Variants in G2E3 observed in about 807,000 individuals in gnomAD.
G2E3 encodes the protein G2/M phase-specific E3 ubiquitin-protein ligase.
Under a neutral mutation model 92.8 loss-of-function variants are expected in G2E3, and 35 were observed. That is an observed-to-expected ratio of 0.38 (90% CI 0.29 to 0.50). G2E3 has a LOEUF of 0.50. Among genes scored for constraint, G2E3 ranks in the 20% least tolerant of loss-of-function variants. The pLI, the probability that G2E3 is intolerant of heterozygous loss-of-function variation, is 0.94. For synonymous variants in G2E3, 242 were observed against 272.4 expected, an observed-to-expected ratio of 0.89 and a Z score of 1.10; for missense variants, 554 against 823.8, an observed-to-expected ratio of 0.67 and a Z score of 4.01.
intron 1 of G2E3, chr14:30,573,447 CTGTG>C (rs1879894519): frequency 1.5e-5 from 2 of 133,970 alleles, no homozygotes; most frequent in Admixed American, 7.7e-5. Flanking sequence ...GTGTGTGTCT[CTGTG>C]TGTGTAGAGA....
At chr14:30,579,144 T>G (rs1041342752) in intron 1 of G2E3, among the ~76,000 whole-genome samples, 7 of 152,170 alleles carry the variant, frequency 4.6e-5, no homozygotes, top group Middle Eastern at 3.4e-3. Context: ...GAATTACTAG[T>G]GCCTCTAAAA....
chr14:30,572,673 T>C lies in G2E3; in HGVS notation c.-4-8403T>C, dbSNP rs568950086. ...GTGTATTACTTTACTTTTCAGATGA[T>C]ATCTAATCTTATATTTCTAAGATAA... On this transcript the variant is annotated intron_variant, in intron 1 of 14. Coordinates refer to ENST00000206595, the MANE Select transcript of G2E3 (RefSeq NM_017769.5). Among the ~76,000 whole-genome samples, 3 of 152,288 alleles carry C rather than the reference T, an allele frequency of 2.0e-5. No individual in the cohort carries two copies. In the South Asian group the frequency reaches 6.2e-4, roughly 32 times the overall value.
At chr14:30,608,947 A>G (rs971392517) in intron 12 of G2E3, among the ~76,000 whole-genome samples, 1 of 152,140 alleles carries the variant, frequency 6.6e-6, no homozygotes, top group Non-Finnish European at 1.5e-5. Context: ...ACACCACTGC[A>G]CTCCAACCTG....
chr14:30,593,692 C>A, intron 6 of G2E3, 53 bp downstream of exon 6: 1 of 1,277,704 alleles, frequency 7.8e-7, no homozygotes, highest in Non-Finnish European at 1.1e-6. Flanking sequence ...TTATGGCTTG[C>A]TGATTTAAAT....
chr14:30,561,156 CTG>C (rs1879075866), intron 1 of G2E3, among the ~76,000 whole-genome samples: 1 of 152,188 alleles, frequency 6.6e-6, no homozygotes, highest in Non-Finnish European at 1.5e-5. Context: ...AGTTACTAAA[CTG>C]TAAAAACCGC....
intron 8 of G2E3, among the ~76,000 whole-genome samples, chr14:30,599,093 T>C (rs1322084387): frequency 3.9e-5 from 6 of 152,252 alleles, no homozygotes; most frequent in Non-Finnish European, 8.8e-5. Context: ...GGCTGTGTTC[T>C]AGCTATGTCC....
chr14:30,581,644 G>A (rs913772525), intron 2 of G2E3, among the ~76,000 whole-genome samples: 9 of 152,218 alleles, frequency 5.9e-5, no homozygotes, highest in African/African-American at 2.2e-4. Context: ...AGAAGTTGCA[G>A]TGAGCAGAGA....
intron 1 of G2E3, among the ~76,000 whole-genome samples, chr14:30,576,855 C>A (rs1464598871): frequency 6.6e-6 from 1 of 152,114 alleles, no homozygotes; most frequent in Non-Finnish European, 1.5e-5. Context: ...CAATCAATTT[C>A]TCTTTCAAGT....
intron 1 of G2E3, among the ~76,000 whole-genome samples, chr14:30,569,316 C>T (rs1343670041): frequency 6.6e-6 from 1 of 152,142 alleles, no homozygotes; most frequent in Non-Finnish European, 1.5e-5. Context: ...CGAATTACTT[C>T]TCCTGCTTTG....
At chr14:30,589,586 T>C in intron 4 of G2E3, 102 bp downstream of exon 4, 1 of 641,910 alleles carries the variant, frequency 1.6e-6, no homozygotes, top group Non-Finnish European at 2.8e-6. Flanking sequence ...ACTTTGATTA[T>C]AGGTTTCAAT....
chr14:30,578,021 A>G (rs1880216221), intron 1 of G2E3, among the ~76,000 whole-genome samples: 1 of 152,156 alleles, frequency 6.6e-6, no homozygotes, highest in Admixed American at 6.5e-5. Flanking sequence ...CTGCTTGGGA[A>G]GTCTTAAAAT....
chr14:30,586,764 A>G lies in G2E3; in HGVS notation c.84A>G (p.Gly28=). The G allele has an allele frequency of 6.9e-7, 1 of 1,454,026 alleles. No individual in the cohort carries two copies. Among genetic ancestry groups the G allele is most frequent in the South Asian group, 1.3e-5 (1 of 74,622 alleles). The allele number at this position is 1,454,026 out of a possible 1,614,324, so 90.1% of individuals were successfully genotyped here. A position where few individuals can be genotyped will look rare whatever the true frequency, so the allele number is the denominator to read the frequency against. ...ATGATGACTGTCCTAATAAATACGG[A>G]GAAAAGAAAACTAAGGAGAAATGGA... is the stretch of plus-strand genomic sequence containing the variant. ...RKHDDCPNKY[G]EKKTKEKWNL... Residue 28 remains glycine (G), a synonymous_variant, in exon 3 of 15, where the codon GGA becomes GGG. Coordinates refer to ENST00000206595, the MANE Select transcript of G2E3 (RefSeq NM_017769.5).
chr14:30,592,165 C>G (rs947309354), intron 4 of G2E3, among the ~76,000 whole-genome samples, 158 bp from the exon 5 acceptor site: 2 of 152,008 alleles, frequency 1.3e-5, no homozygotes, highest in Admixed American at 6.6e-5. Flanking sequence ...CTGGGTAGAA[C>G]AGTTTTTCAG....
chr14:30,605,456 TA>T, intron 10 of G2E3, 48 bp from the exon 11 acceptor site: 1 of 686,862 alleles, frequency 1.5e-6, no homozygotes, highest in Non-Finnish European at 2.4e-6. Flanking sequence ...CTGTTTCACA[TA>T]AAGTACTTTA....
chr14:30,612,149 T>C (rs917635853), intron 12 of G2E3, 58 bp from the exon 13 acceptor site: 4 of 1,176,026 alleles, frequency 3.4e-6, no homozygotes, highest in Non-Finnish European at 3.7e-6. Context: ...TCATTTGAAA[T>C]GTGCATGTCA....
chr14:30,613,181 A>T (rs1047335709), intron 13 of G2E3, among the ~76,000 whole-genome samples: 2 of 152,132 alleles, frequency 1.3e-5, no homozygotes, highest in Admixed American at 1.3e-4. Context: ...CACATATGAA[A>T]GTCTGTAATC....
intron 2 of G2E3, among the ~76,000 whole-genome samples, chr14:30,584,971 A>T (rs1339229838): frequency 6.6e-6 from 1 of 151,682 alleles, no homozygotes; most frequent in African/African-American, 2.4e-5. Context: ...AGCTGGGATT[A>T]CAGGCACACA....
chr14:30,579,053 T>C (rs1168349506), intron 1 of G2E3, among the ~76,000 whole-genome samples: 2 of 152,198 alleles, frequency 1.3e-5, no homozygotes, highest in Admixed American at 1.3e-4. Flanking sequence ...TGATCCTCAA[T>C]CAATTTGTTC....
At position 30,601,692 on chromosome 14, in the gene G2E3, C is replaced by T. The variant is rs972858058; in HGVS notation, c.753-78C>T. The T allele has an allele frequency of 1.0e-5, 14 of 1,389,852 alleles. No individual in the cohort carries two copies. In the African/African-American group the frequency reaches 1.7e-4, roughly 17 times the overall value. The allele number at this position is 1,389,852 out of a possible 1,614,324, so 86.1% of individuals were successfully genotyped here. A position where few individuals can be genotyped will look rare whatever the true frequency, so the allele number is the denominator to read the frequency against. ...GTGTGCGTGTTTGTGTGTAAGAAGG[C>T]AGGCCCTGTGGACATTGCTAGTGGT... On this transcript the variant is annotated intron_variant, in intron 8 of 14. Transcript: ENST00000206595.
Sources: allele counts gnomAD v4.1 joint callset (sites outside exome capture counted in the v4.1 genomes callset), GRCh38; gene constraint gnomAD v4.1.1; transcripts MANE v1.5; gene names NCBI Gene and HGNC (gene_info 2026-07-23, HGNC 2026-07-21).